The following GRM5 variants were observed in gnomAD, a reference collection of about 807,000 sequenced individuals.
GRM5 encodes metabotropic glutamate receptor 5.
Under a neutral mutation model 83.1 loss-of-function variants are expected in GRM5, and 19 were observed. That is an observed-to-expected ratio of 0.23 (90% CI 0.16 to 0.34). The LOEUF (loss-of-function observed/expected upper bound fraction) is 0.34, where lower values mean the gene tolerates loss of function less well. Among genes scored for constraint, GRM5 ranks in the 10% least tolerant of loss-of-function variants. The pLI, the probability that GRM5 is intolerant of heterozygous loss-of-function variation, is 1.00. For synonymous variants in GRM5, 675 were observed against 633.6 expected, an observed-to-expected ratio of 1.07 and a Z score of -0.98; for missense variants, 1,160 against 1,588.3, an observed-to-expected ratio of 0.73 and a Z score of 4.58.
At chr11:88,689,236 G>A (rs1940720450) in intron 3 of GRM5, among the ~76,000 whole-genome samples, 1 of 152,158 alleles carries the variant, frequency 6.6e-6, no homozygotes, top group South Asian at 2.1e-4. Context: ...ACTGTGTTAA[G>A]CTCTAGCTAC....
intron 3 of GRM5, among the ~76,000 whole-genome samples, chr11:88,676,585 C>T (rs1940334650): frequency 6.6e-6 from 1 of 151,910 alleles, no homozygotes; most frequent in South Asian, 2.1e-4. Context: ...GCTATAGAAA[C>T]TATAAAATGA....
At chr11:89,026,493 T>C (rs777940233) in intron 2 of GRM5, among the ~76,000 whole-genome samples, 14 of 152,202 alleles carry the variant, frequency 9.2e-5, no homozygotes, top group Non-Finnish European at 1.9e-4. Flanking sequence ...AAAGAGTCTT[T>C]GGAGTGAGAA....
intron 3 of GRM5, among the ~76,000 whole-genome samples, chr11:88,738,562 G>A (rs150315999): frequency 7.1e-4 from 108 of 152,162 alleles, no homozygotes; most frequent in Middle Eastern, 3.4e-3. Flanking sequence ...CTATTTCACA[G>A]TTAAGAAAGC....
At chr11:88,703,218 T>G (rs1941076486) in intron 3 of GRM5, among the ~76,000 whole-genome samples, 1 of 152,074 alleles carries the variant, frequency 6.6e-6, no homozygotes, top group Non-Finnish European at 1.5e-5. Context: ...TTGTAAACCC[T>G]CTACACCTCC....
chr11:88,720,339 A>G (rs559124727), intron 3 of GRM5, among the ~76,000 whole-genome samples: 2 of 152,138 alleles, frequency 1.3e-5, no homozygotes, highest in East Asian at 1.9e-4. Flanking sequence ...CTGAGTGCAG[A>G]TATGTTTTCC....
chr11:88,719,546 A>G (rs1234834843), intron 3 of GRM5, among the ~76,000 whole-genome samples: 3 of 152,104 alleles, frequency 2.0e-5, no homozygotes, highest in Admixed American at 6.6e-5. Flanking sequence ...TCTTTATAAC[A>G]GAATAATTTA....
rs953749945 is a variant in GRM5, at chr11:89,030,277, A to C, written c.661+16935T>G. On this transcript the variant is annotated intron_variant, in intron 2 of 9. Transcript: ENST00000305447. ...TCAGAATGATTGGCCTTTATAAGAG[A>C]GCCCAAATGCTTTTTTTCTTATACA... 2.6e-5 allele frequency among the ~76,000 whole-genome samples: 4 copies of C among 152,122 alleles called. No homozygotes were observed. In the East Asian group the frequency reaches 7.7e-4, roughly 29 times the overall value.
intron 3 of GRM5, among the ~76,000 whole-genome samples, chr11:88,776,430 C>CATTT (rs1204070433): frequency 6.6e-6 from 1 of 152,084 alleles, no homozygotes; most frequent in Non-Finnish European, 1.5e-5. Flanking sequence ...GCATTTAGAC[C>CATTT]ATTTACATTT....
intron 8 of GRM5, among the ~76,000 whole-genome samples, chr11:88,535,086 A>G (rs372641075): frequency 6.6e-6 from 1 of 152,188 alleles, no homozygotes; most frequent in East Asian, 1.9e-4. Context: ...AGTCTCGGGT[A>G]TGTCTTTATC....
rs564955845 is a variant in GRM5, at chr11:89,029,829, G to A, written c.661+17383C>T. Among the ~76,000 whole-genome samples, 49 of 152,198 alleles carry A rather than the reference G, an allele frequency of 3.2e-4. No homozygotes were observed. In the South Asian group the frequency reaches 3.5e-3, roughly 11 times the overall value. The stretch of plus-strand genomic sequence containing the variant: ...CAAAACTTCCTTGCTGAATAATCAC[G>A]GTAAGGTGGTTAGCTGGGTAGTAGA... On this transcript the variant is annotated intron_variant, in intron 2 of 9. Coordinates refer to ENST00000305447, the MANE Select transcript of GRM5 (RefSeq NM_001143831.3).
At chr11:88,992,987 C>T (rs937396346) in intron 2 of GRM5, among the ~76,000 whole-genome samples, 15 of 151,054 alleles carry the variant, frequency 9.9e-5, no homozygotes, top group Non-Finnish European at 1.9e-4. Context: ...GCACGTTGTG[C>T]ACATGTACCC....
At chr11:88,990,116 A>G (rs1939911535) in intron 2 of GRM5, among the ~76,000 whole-genome samples, 1 of 146,354 alleles carries the variant, frequency 6.8e-6, no homozygotes, top group Non-Finnish European at 1.5e-5. Context: ...GACTGCTAGC[A>G]AGACTAATAA....
At chr11:88,805,985 C>A (rs759250489) in intron 3 of GRM5, among the ~76,000 whole-genome samples, 9 of 152,162 alleles carry the variant, frequency 5.9e-5, no homozygotes, top group Non-Finnish European at 1.3e-4. Flanking sequence ...CTTCCAGAGG[C>A]AGCTGTCAAG....
intron 2 of GRM5, among the ~76,000 whole-genome samples, chr11:88,999,133 C>A (rs1940287804): frequency 6.6e-6 from 1 of 152,138 alleles, no homozygotes; most frequent in Non-Finnish European, 1.5e-5. Flanking sequence ...ACCATCAAAA[C>A]CCTAGAAGAA....
At chr11:88,926,414 G>A (rs1427636389) in intron 2 of GRM5, among the ~76,000 whole-genome samples, 1 of 152,168 alleles carries the variant, frequency 6.6e-6, no homozygotes, top group East Asian at 1.9e-4. Context: ...GATAGCCACA[G>A]ATATCATCCA....
chr11:88,641,917 G>C (rs1382976662), intron 4 of GRM5, among the ~76,000 whole-genome samples: 1 of 152,172 alleles, frequency 6.6e-6, no homozygotes, highest in Admixed American at 6.5e-5. Flanking sequence ...CTGGGGTCTG[G>C]ATGATGGTGG....
intron 3 of GRM5, among the ~76,000 whole-genome samples, chr11:88,732,834 T>C (rs1941834388): frequency 6.6e-6 from 1 of 151,998 alleles, no homozygotes; most frequent in Non-Finnish European, 1.5e-5. Flanking sequence ...ATAGAAATCA[T>C]TCTGCCCTAG....
chr11:88,978,458 C>A, intron 2 of GRM5, among the ~76,000 whole-genome samples: 5 of 78,944 alleles, frequency 6.3e-5, no homozygotes, highest in East Asian at 4.1e-4. Context: ...GTAACATTAA[C>A]AACAGCAGAT....
chr11:88,692,289 A>G (rs1016412866), intron 3 of GRM5, among the ~76,000 whole-genome samples: 2 of 152,224 alleles, frequency 1.3e-5, no homozygotes, highest in Non-Finnish European at 2.9e-5. Context: ...TGATTTGCCT[A>G]TATCTGTCTT....
Sources: allele counts gnomAD v4.1 joint callset (sites outside exome capture counted in the v4.1 genomes callset), GRCh38; gene constraint gnomAD v4.1.1; transcripts MANE v1.5; gene names NCBI Gene and HGNC (gene_info 2026-07-23, HGNC 2026-07-21).